The following GOT1 variants were observed in gnomAD, a reference collection of about 807,000 sequenced individuals.
The protein encoded by GOT1 is glutamic-oxaloacetic transaminase 1.
A neutral mutation model predicts 48.2 loss-of-function variants in GOT1; 25 were observed. The ratio of observed to expected loss-of-function variants is 0.52; its 90% CI spans 0.38 to 0.72. The LOEUF (loss-of-function observed/expected upper bound fraction) is 0.72. Ranked by LOEUF, GOT1 falls within the 30% of genes least tolerant of loss-of-function variation. The probability of loss-of-function intolerance (pLI) is 0.00; values close to 1 mark genes in which losing one functional copy is unlikely to be tolerated. For synonymous variants in GOT1, 188 were observed against 193.8 expected (o/e 0.97, Z 0.25); for missense variants, 380 against 520.1 (o/e 0.73, Z 2.62).
At chr10:99,418,051 TAAAA>T (rs11325628) in intron 2 of GOT1, among the ~76,000 whole-genome samples, 4 of 142,966 alleles carry the variant, frequency 2.8e-5, no homozygotes, top group East Asian at 2.0e-4. Context: ...AAAGTATAAT[TAAAA>T]AAAAAAATAT....
chr10:99,402,446 T>C (rs1266234980), intron 8 of GOT1, 134 bp downstream of exon 8: 7 of 893,588 alleles, frequency 7.8e-6, no homozygotes, highest in Non-Finnish European at 1.2e-5. Flanking sequence ...AAAACCTAAC[T>C]TGTCCTGGTC....
chr10:99,399,401 CAAGATGGTATAA>C (rs1247157561), intron 8 of GOT1, among the ~76,000 whole-genome samples: 1 of 152,168 alleles, frequency 6.6e-6, no homozygotes, highest in Non-Finnish European at 1.5e-5. Flanking sequence ...TCTATAACCC[CAAGATGGTATAA>C]AAGCATCAAT....
At chr10:99,401,021 C>G (rs2032668150) in intron 8 of GOT1, among the ~76,000 whole-genome samples, 1 of 152,138 alleles carries the variant, frequency 6.6e-6, no homozygotes, top group African/African-American at 2.4e-5. Flanking sequence ...AAAAATATAA[C>G]TTTTGTGTTA....
chr10:99,420,615 A>G lies in GOT1; in HGVS notation c.300+9T>C. The G allele has an allele frequency of 6.2e-7, 1 of 1,600,366 alleles. No homozygotes were observed. Among genetic ancestry groups the G allele is most frequent in the Non-Finnish European group, 8.5e-7 (1 of 1,173,176 alleles). On this transcript the variant is annotated intron_variant, in intron 2 of 8. Transcript: ENST00000370508. ...CTAAAGAGAAAATACATCCTTACCCAAAACTTACCCGCTTCTCCTTGAGTG... is the reference window on the plus strand; with the variant it reads ...CTAAAGAGAAAATACATCCTTACCCGAAACTTACCCGCTTCTCCTTGAGTG...
In GOT1 at chr10:99,420,701, G is replaced by C; in HGVS notation, c.223C>G (p.Leu75Val). 6.2e-7 allele frequency: 1 copy of C among 1,614,014 alleles called. No individual in the cohort carries two copies. The highest frequency in any genetic ancestry group is 8.5e-7 in the Non-Finnish European group (1 of 1,179,924). The change falls in exon 2 of 9, where the codon CTG becomes GTG. Residue 75 changes from leucine to valine, a missense_variant. By Grantham distance (32) the Leu-to-Val change is conservative (BLOSUM62 1). Transcript: ENST00000370508. ...NSLNHEYLPI[L>V]GLAEFRSCAS... ...CAGCTCCGGAACTCAGCCAGGCCCAGGATTGGCAGATACTCGTGATTTAGG... is the reference window on the plus strand; with the variant it reads ...CAGCTCCGGAACTCAGCCAGGCCCACGATTGGCAGATACTCGTGATTTAGG...
chr10:99,413,996 G>A (rs2032861056), intron 2 of GOT1, among the ~76,000 whole-genome samples: 1 of 152,182 alleles, frequency 6.6e-6, no homozygotes. Context: ...ATGCCAAATT[G>A]TAAAGACCAT....
chr10:99,403,840 T>C lies in GOT1; in HGVS notation c.677A>G (p.Tyr226Cys). Residue 226 changes from tyrosine (Y) to cysteine (C), a missense_variant, in exon 6 of 9, where the codon TAT becomes TGT. Coordinates refer to ENST00000370508, the MANE Select transcript of GOT1 (RefSeq NM_002079.3). Reference protein sequence around the residue: ...RFLFPFFDSAYQGFASGNLER... With the variant: ...RFLFPFFDSACQGFASGNLER... Reference sequence around the variant, plus strand: ...CAGGTTTCCAGATGCGAAGCCCTGATAGGCTGAGTCAAAGAAGGGGAACAG... The same window carrying C: ...CAGGTTTCCAGATGCGAAGCCCTGACAGGCTGAGTCAAAGAAGGGGAACAG... 4 of 1,613,948 alleles carry C rather than the reference T, an allele frequency of 2.5e-6. No individual in the cohort carries two copies. The highest frequency in any genetic ancestry group is 3.4e-6 in the Non-Finnish European group (4 of 1,180,010).
intron 1 of GOT1, among the ~76,000 whole-genome samples, chr10:99,426,620 G>C (rs2033040685): frequency 6.6e-6 from 1 of 152,214 alleles, no homozygotes; most frequent in Admixed American, 6.5e-5. Flanking sequence ...GGTTGCACCA[G>C]GTTGGATCCA....
intron 8 of GOT1, among the ~76,000 whole-genome samples, chr10:99,400,623 C>T (rs906867627): frequency 1.3e-5 from 2 of 150,718 alleles, no homozygotes; most frequent in Non-Finnish European, 2.9e-5. Context: ...GGTGACAGAG[C>T]GAGACCGTGT....
intron 2 of GOT1, among the ~76,000 whole-genome samples, chr10:99,408,471 C>T (rs1032411332): frequency 6.6e-6 from 1 of 152,224 alleles, no homozygotes; most frequent in African/African-American, 2.4e-5. Flanking sequence ...AATCCCAGCA[C>T]TTTGGGAGGC....
intron 8 of GOT1, among the ~76,000 whole-genome samples, chr10:99,401,522 A>G (rs886779581): frequency 6.6e-6 from 1 of 151,994 alleles, no homozygotes; most frequent in Non-Finnish European, 1.5e-5. Context: ...GCACTGTGGG[A>G]ATTACTAAAG....
intron 2 of GOT1, among the ~76,000 whole-genome samples, chr10:99,416,325 A>G (rs1247866390): frequency 1.3e-5 from 2 of 152,146 alleles, no homozygotes; most frequent in South Asian, 2.1e-4. Context: ...CAAATCATGA[A>G]TGAACTACCA....
chr10:99,415,523 G>A (rs368821705), intron 2 of GOT1, among the ~76,000 whole-genome samples: 1 of 152,172 alleles, frequency 6.6e-6, no homozygotes, highest in Admixed American at 6.5e-5. Flanking sequence ...ACAAGGAGGA[G>A]CTGGTACCAT....
intron 8 of GOT1, among the ~76,000 whole-genome samples, chr10:99,399,651 T>C (rs950741854): frequency 6.6e-6 from 1 of 152,112 alleles, no homozygotes; most frequent in African/African-American, 2.4e-5. Context: ...CACACACCTG[T>C]GGTCCCAGGT....
At chr10:99,402,232 A>T (rs1003539516) in intron 8 of GOT1, among the ~76,000 whole-genome samples, 2 of 152,250 alleles carry the variant, frequency 1.3e-5, no homozygotes, top group African/African-American at 4.8e-5. Context: ...ATTCAGGATT[A>T]AGGCAAACCC....
chr10:99,407,480 T>G (rs2032775547), intron 2 of GOT1, among the ~76,000 whole-genome samples: 1 of 151,724 alleles, frequency 6.6e-6, no homozygotes, highest in Non-Finnish European at 1.5e-5. Flanking sequence ...TCACCTAGGT[T>G]GGAGTGCAGT....
At position 99,415,484 on chromosome 10, in the gene GOT1, C is replaced by T. The variant is rs367747175; in HGVS notation, c.300+5140G>A. 4.6e-5 allele frequency among the ~76,000 whole-genome samples: 7 copies of T among 152,204 alleles called. No homozygotes were observed. In the South Asian group the frequency reaches 1.0e-3, roughly 23 times the overall value. On this transcript the variant is annotated intron_variant, in intron 2 of 8. Coordinates refer to ENST00000370508, the MANE Select transcript of GOT1 (RefSeq NM_002079.3). Reference sequence around the variant, plus strand: ...CAACCAAAAAAAGTCCAGGACCAGACGGATTCACAGCCGAATTCTACCAGA... The same window carrying T: ...CAACCAAAAAAAGTCCAGGACCAGATGGATTCACAGCCGAATTCTACCAGA...
rs749476124 is a variant in GOT1, at chr10:99,403,773, G to C, written c.744C>G (p.Gly248=). Residue 248 remains glycine (G), a synonymous_variant, in exon 6 of 9, where the codon GGC becomes GGG. Coordinates refer to ENST00000370508, the MANE Select transcript of GOT1 (RefSeq NM_002079.3). ...AWAIRYFVSE[G]FEFFCAQSFS... Reference sequence around the variant, plus strand: ...AGGACTGGGCACAGAAGAACTCGAAGCCTTCAGACACAAAATAGCGAATGG... The same window carrying C: ...AGGACTGGGCACAGAAGAACTCGAACCCTTCAGACACAAAATAGCGAATGG... 6.2e-7 allele frequency: 1 copy of C among 1,614,202 alleles called. No individual in the cohort carries two copies. Among genetic ancestry groups the C allele is most frequent in the Non-Finnish European group, 8.5e-7 (1 of 1,180,032 alleles).
intron 2 of GOT1, among the ~76,000 whole-genome samples, chr10:99,413,611 A>G (rs2032855455): frequency 6.6e-6 from 1 of 152,100 alleles, no homozygotes; most frequent in African/African-American, 2.4e-5. Flanking sequence ...TACTCCTCAA[A>G]AACAGCAACT....
Sources: gnomAD v4.1 joint callset for allele counts (sites outside exome capture counted in the v4.1 genomes callset) on GRCh38, gnomAD v4.1.1 for gene constraint, MANE v1.5 for transcripts, NCBI Gene and HGNC (gene_info 2026-07-23, HGNC 2026-07-21) for gene names.